Variants in EYS observed in about 807,000 individuals in gnomAD.
The protein encoded by EYS is EGF-like photoreceptor maintenance factor, also known as protein eyes shut homolog.
EYS carries 250 observed loss-of-function variants against 282.1 expected under a neutral mutation model. The ratio of observed to expected loss-of-function variants is 0.89; its 90% CI spans 0.80 to 0.98. The LOEUF is 0.98. Ranked by LOEUF, EYS falls within the 50% of genes least tolerant of loss-of-function variation. The probability of loss-of-function intolerance (pLI) is 0.00; values close to 1 mark genes in which losing one functional copy is unlikely to be tolerated. For synonymous variants in EYS, 1,355 were observed against 1,282.9 expected (o/e 1.06, Z -1.20); for missense variants, 4,016 against 3,709.0 (o/e 1.08, Z -2.15).
chr6:63,834,593 A>G (rs1316156953), intron 36 of EYS, among the ~76,000 whole-genome samples: 1 of 147,636 alleles, frequency 6.8e-6, no homozygotes, highest in Non-Finnish European at 1.5e-5. Flanking sequence ...AAACGCTTTT[A>G]CACTGTTGGT....
intron 21 of EYS, among the ~76,000 whole-genome samples, chr6:64,815,063 T>C (rs894215843): frequency 5.3e-5 from 8 of 152,000 alleles, no homozygotes; most frequent in Admixed American, 4.6e-4. Flanking sequence ...AGAGATTAAT[T>C]AGCGTCATCC....
chr6:64,769,824 G>C (rs1181022439), intron 22 of EYS, among the ~76,000 whole-genome samples: 1 of 151,922 alleles, frequency 6.6e-6, no homozygotes, highest in East Asian at 1.9e-4. Flanking sequence ...AGGTTAAGGA[G>C]ATCAAGAGAG....
chr6:65,697,424 C>G (rs1380690342), intron 1 of EYS, among the ~76,000 whole-genome samples: 1 of 152,010 alleles, frequency 6.6e-6, no homozygotes, highest in Non-Finnish European at 1.5e-5. Context: ...TTTCATCTTG[C>G]ATTCTATTTG....
intron 41 of EYS, among the ~76,000 whole-genome samples, chr6:63,734,865 C>G (rs542694282): frequency 1.3e-5 from 2 of 151,952 alleles, no homozygotes; most frequent in South Asian, 4.2e-4. Flanking sequence ...CAACAGAGAT[C>G]GGTAAGGAAT....
chr6:64,838,804 T>C (rs1431054495), intron 19 of EYS, among the ~76,000 whole-genome samples: 1 of 152,014 alleles, frequency 6.6e-6, no homozygotes, highest in Non-Finnish European at 1.5e-5. Flanking sequence ...TTTGTTTCCT[T>C]ATGCTCCACT....
chr6:64,337,051 G>T (rs149343911), intron 29 of EYS, among the ~76,000 whole-genome samples: 2,383 of 151,978 alleles, frequency 0.016, 21 homozygotes, highest in South Asian at 0.034. Context: ...ACATTCTAAG[G>T]TCACACCTCA....
intron 30 of EYS, among the ~76,000 whole-genome samples, chr6:64,303,540 G>GC (rs1210922887): frequency 6.6e-6 from 1 of 152,146 alleles, no homozygotes; most frequent in Middle Eastern, 3.2e-3. Flanking sequence ...AGGTCAGTAG[G>GC]TTTTGTAAAA....
intron 31 of EYS, among the ~76,000 whole-genome samples, chr6:64,215,924 A>G (rs1202381147): frequency 6.6e-6 from 1 of 152,196 alleles, no homozygotes; most frequent in East Asian, 1.9e-4. Context: ...AAGAAGAAAA[A>G]TAGGTAACCA....
chr6:64,028,103 G>T (rs1201242973), intron 33 of EYS, among the ~76,000 whole-genome samples: 8 of 152,272 alleles, frequency 5.3e-5, no homozygotes, highest in African/African-American at 1.7e-4. Flanking sequence ...TATTAGGGAG[G>T]GATATATTAG....
At chr6:64,864,006 G>T (rs189176084) in intron 19 of EYS, among the ~76,000 whole-genome samples, 221 of 152,168 alleles carry the variant, frequency 1.5e-3, no homozygotes, top group African/African-American at 2.2e-3. Context: ...AAAGCAAATT[G>T]GTTTCAATGT....
intron 2 of EYS, among the ~76,000 whole-genome samples, chr6:65,575,765 C>T (rs1048537556): frequency 6.6e-6 from 1 of 151,888 alleles, no homozygotes; most frequent in Admixed American, 6.6e-5. Flanking sequence ...GGAGATATTA[C>T]AATTGATAAC....
At position 64,506,853 on chromosome 6, in the gene EYS, G is replaced by A. The variant is rs1777223731; in HGVS notation, c.5645-67501C>T. 3.4e-5 allele frequency among the ~76,000 whole-genome samples: 5 copies of A among 147,682 alleles called. No individual in the cohort carries two copies. The South Asian group carries it at 1.1e-3, about 31-fold the overall frequency. ...GAACCCGGGAGGCGGAGCTTGTAGTGAGCTAAGATCGCGCCGCTGCACTCC... is the reference window on the plus strand; with the variant it reads ...GAACCCGGGAGGCGGAGCTTGTAGTAAGCTAAGATCGCGCCGCTGCACTCC... On this transcript the variant is annotated intron_variant, in intron 26 of 42. Transcript: ENST00000503581.
chr6:64,633,352 C>T (rs1329355240), intron 22 of EYS, among the ~76,000 whole-genome samples: 1 of 152,060 alleles, frequency 6.6e-6, no homozygotes, highest in East Asian at 1.9e-4. Flanking sequence ...TATTTCGTAT[C>T]ACTTTTTAGT....
chr6:64,245,696 C>T (rs1217093351), intron 30 of EYS, among the ~76,000 whole-genome samples: 3 of 151,986 alleles, frequency 2.0e-5, no homozygotes, highest in Non-Finnish European at 4.4e-5. Flanking sequence ...TCACTGTAGC[C>T]TCATATTCTT....
chr6:64,467,618 C>A lies in EYS; in HGVS notation c.5645-28266G>T, dbSNP rs540609655. Reference sequence around the variant, plus strand: ...GGAAGGACCACCCCACTTATTACCACCACTGAAGACATCCACGCACACATT... The same window carrying A: ...GGAAGGACCACCCCACTTATTACCAACACTGAAGACATCCACGCACACATT... On this transcript the variant is annotated intron_variant, in intron 26 of 42. Transcript: ENST00000503581. Among the ~76,000 whole-genome samples the A allele has an allele frequency of 3.9e-5, 6 of 152,222 alleles. No homozygotes were observed. The South Asian group carries it at 1.2e-3, about 32-fold the overall frequency.
intron 7 of EYS, among the ~76,000 whole-genome samples, chr6:65,393,860 G>T (rs903703767): frequency 6.6e-6 from 1 of 151,852 alleles, no homozygotes; most frequent in Non-Finnish European, 1.5e-5. Flanking sequence ...AACACAATAA[G>T]CTGAGAATAT....
chr6:64,524,444 T>G (rs1777852315), intron 26 of EYS, among the ~76,000 whole-genome samples: 1 of 151,732 alleles, frequency 6.6e-6, no homozygotes, highest in Non-Finnish European at 1.5e-5. Flanking sequence ...CCTCTGTAGA[T>G]AGTTTCTTTT....
intron 14 of EYS, among the ~76,000 whole-genome samples, chr6:64,953,385 G>T (rs987266925): frequency 2.0e-5 from 3 of 151,662 alleles, no homozygotes; most frequent in African/African-American, 7.2e-5. Flanking sequence ...AACTTTTGAA[G>T]TAAAATTTGT....
At chr6:65,420,969 A>T (rs1384433898) in intron 5 of EYS, among the ~76,000 whole-genome samples, 2 of 151,798 alleles carry the variant, frequency 1.3e-5, no homozygotes, top group Admixed American at 1.3e-4. Context: ...GACTTTGTTC[A>T]TCCATTTCTA....
Sources: allele counts gnomAD v4.1 joint callset (sites outside exome capture counted in the v4.1 genomes callset), GRCh38; gene constraint gnomAD v4.1.1; transcripts MANE v1.5; gene names NCBI Gene and HGNC (gene_info 2026-07-23, HGNC 2026-07-21).